MLIP: variants seen among roughly 807,000 people sequenced by gnomAD.
MLIP encodes the protein muscular LMNA interacting protein, also known as muscular LMNA-interacting protein.
MLIP carries 79 observed loss-of-function variants against 84.8 expected under a neutral mutation model. The observed-to-expected ratio is 0.93, with a 90% CI of 0.78 to 1.12. The LOEUF is 1.12. Among genes scored for constraint, MLIP ranks in the 50% most tolerant of loss-of-function variants. The pLI, the probability that MLIP is intolerant of heterozygous loss-of-function variation, is 0.00. For synonymous variants in MLIP, 504 were observed against 463.0 expected (o/e 1.09, Z -1.14); for missense variants, 1,257 against 1,160.6 (o/e 1.08, Z -1.21).
At chr6:54,163,605 C>T (rs1774881225) in intron 8 of MLIP, among the ~76,000 whole-genome samples, 1 of 151,934 alleles carries the variant, frequency 6.6e-6, no homozygotes, top group Admixed American at 6.6e-5. Context: ...CCTTTTCCCA[C>T]AATTTTGTAA....
chr6:54,181,974 T>C (rs553578704), intron 9 of MLIP, among the ~76,000 whole-genome samples: 6 of 151,994 alleles, frequency 3.9e-5, no homozygotes, highest in African/African-American at 1.4e-4. Context: ...CTGTCTGGAG[T>C]TGGGGAAGAA....
intron 11 of MLIP, among the ~76,000 whole-genome samples, chr6:54,219,638 G>A (rs566797182): frequency 6.6e-6 from 1 of 152,054 alleles, no homozygotes; most frequent in Non-Finnish European, 1.5e-5. Flanking sequence ...TTTACTGATG[G>A]GAACTTTACA....
At chr6:54,019,485 A>G (rs1180841315) in intron 1 of MLIP, among the ~76,000 whole-genome samples, 1 of 152,184 alleles carries the variant, frequency 6.6e-6, no homozygotes, top group African/African-American at 2.4e-5. Flanking sequence ...AATAAGTATT[A>G]TAGAATATAT....
At chr6:54,146,867 A>G (rs926433421) in intron 4 of MLIP, among the ~76,000 whole-genome samples, 4 of 152,178 alleles carry the variant, frequency 2.6e-5, no homozygotes, top group African/African-American at 9.7e-5. Context: ...ATATGTGCAT[A>G]GTTGTTGGGA....
intron 12 of MLIP, among the ~76,000 whole-genome samples, chr6:54,242,146 G>A (rs543042046): frequency 1.3e-5 from 2 of 152,288 alleles, no homozygotes; most frequent in East Asian, 1.9e-4. Flanking sequence ...TGACATAGGA[G>A]GACAGAGAAA....
At chr6:54,186,083 A>C (rs1193690435) in intron 9 of MLIP, among the ~76,000 whole-genome samples, 1 of 152,100 alleles carries the variant, frequency 6.6e-6, no homozygotes, top group East Asian at 1.9e-4. Flanking sequence ...GACACTGTGT[A>C]CAAAGGACTT....
chr6:54,169,816 C>A (rs1231320649), intron 9 of MLIP, among the ~76,000 whole-genome samples: 1 of 151,552 alleles, frequency 6.6e-6, no homozygotes, highest in Non-Finnish European at 1.5e-5. Context: ...AATAGAACTG[C>A]CACACCTGCT....
Position 54,099,245 on chromosome 6 carries a change from C to T in MLIP, c.64-22202C>T, listed in dbSNP as rs113125780. Among the ~76,000 whole-genome samples, 54 of 152,210 alleles carry T rather than the reference C, an allele frequency of 3.5e-4. 1 individual carries two copies. The highest frequency in any genetic ancestry group is 1.3e-3 in the African/African-American group (52 of 41,556). ...ATTTGAAGTCTTGAAGAAAAATTTA[C>T]TGCATTTTTACCGGTAACCTTACTG... is the stretch of plus-strand genomic sequence containing the variant. On this transcript the variant is annotated intron_variant, in intron 1 of 12. Transcript: ENST00000274897.
rs922709765 is a variant in MLIP, at chr6:54,137,736, G to A, written c.1667G>A (p.Ser556Asn). Residue 556 changes from serine (S) to asparagine (N), a missense_variant, in exon 4 of 14, where the codon AGC becomes AAC. By Grantham distance (46) the Ser-to-Asn change is conservative (BLOSUM62 1). Coordinates refer to ENST00000502396, the MANE Select transcript of MLIP (RefSeq NM_001281747.2). ...GTGGGTCTTCCTCCTGTTCCACCAA[G>A]CTCTTCTCTTTCCTCTTTGAAGAGT... Reference protein sequence around the residue: ...SSVGLPPVPPSSSLSSLKSKQ... With the variant: ...SSVGLPPVPPNSSLSSLKSKQ... 1.3e-5 allele frequency: 20 copies of A among 1,535,946 alleles called. No homozygotes were observed. The highest frequency in any genetic ancestry group is 1.5e-5 in the Non-Finnish European group (17 of 1,146,894).
At chr6:54,263,142 G>A (rs907639216) in intron 13 of MLIP, among the ~76,000 whole-genome samples, 1 of 151,936 alleles carries the variant, frequency 6.6e-6, no homozygotes, top group African/African-American at 2.4e-5. Flanking sequence ...TGGTGGCTTG[G>A]GAAGACTATT....
chr6:54,245,226 G>A (rs533776611), intron 12 of MLIP, among the ~76,000 whole-genome samples: 229 of 152,244 alleles, frequency 1.5e-3, no homozygotes, highest in Non-Finnish European at 2.5e-3. Context: ...AGATATTGGT[G>A]ATTTATTGAG....
intron 2 of MLIP, 113 bp downstream of exon 2, chr6:54,121,715 T>A: frequency 1.3e-6 from 1 of 753,150 alleles, no homozygotes; most frequent in Non-Finnish European, 2.1e-6. Flanking sequence ...ACTGTGACTC[T>A]AAGTTTGACT....
intron 12 of MLIP, among the ~76,000 whole-genome samples, chr6:54,238,280 T>A (rs1271321438): frequency 6.6e-6 from 1 of 152,196 alleles, no homozygotes; most frequent in Non-Finnish European, 1.5e-5. Flanking sequence ...CTTATCACTG[T>A]CCATAACTTT....
intron 11 of MLIP, among the ~76,000 whole-genome samples, chr6:54,224,492 A>G (rs930883758): frequency 3.3e-5 from 5 of 152,122 alleles, no homozygotes; most frequent in Non-Finnish European, 5.9e-5. Flanking sequence ...AATTCGAACA[A>G]TCTTTTAAGG....
rs891581281 is a variant in MLIP at position 54,165,778 on chromosome 6, C to T, written c.2500-3750C>T. ...AATAAAGGTCTGAATATTTGTGCCCCACCCACCCACTCAGAATTCATATGT... is the reference window on the plus strand; with the variant it reads ...AATAAAGGTCTGAATATTTGTGCCCTACCCACCCACTCAGAATTCATATGT... On this transcript the variant is annotated intron_variant, in intron 8 of 13. Transcript: ENST00000502396. 1.3e-4 allele frequency among the ~76,000 whole-genome samples: 20 copies of T among 151,852 alleles called. No homozygotes were observed. In the East Asian group the frequency reaches 1.8e-3, roughly 13 times the overall value.
chr6:54,213,892 C>T (rs755073704), intron 11 of MLIP, among the ~76,000 whole-genome samples: 4 of 151,782 alleles, frequency 2.6e-5, no homozygotes, highest in Non-Finnish European at 5.9e-5. Context: ...AAATTTTACA[C>T]CAAAATAATA....
chr6:54,098,817 T>C (rs773201789), intron 1 of MLIP, among the ~76,000 whole-genome samples: 15 of 152,188 alleles, frequency 9.9e-5, no homozygotes, highest in Non-Finnish European at 1.6e-4. Flanking sequence ...AAGGCGTATG[T>C]AACTCATGTA....
At chr6:54,036,361 G>C in intron 1 of MLIP, among the ~76,000 whole-genome samples, 1 of 151,274 alleles carries the variant, frequency 6.6e-6, no homozygotes, top group Non-Finnish European at 1.5e-5. Flanking sequence ...GACAAATAGA[G>C]AGCCAAATCA....
At chr6:54,167,551 G>C (rs573962556) in intron 8 of MLIP, among the ~76,000 whole-genome samples, 69 of 151,424 alleles carry the variant, frequency 4.6e-4, no homozygotes, top group African/African-American at 1.6e-3. Flanking sequence ...AATCTCTGTG[G>C]GTCTTTTTTG....
Sources: gnomAD v4.1 joint callset for allele counts (sites outside exome capture counted in the v4.1 genomes callset) on GRCh38, gnomAD v4.1.1 for gene constraint, MANE v1.5 for transcripts, NCBI Gene and HGNC (gene_info 2026-07-23, HGNC 2026-07-21) for gene names.